SLC35F3: variants seen among roughly 807,000 people sequenced by gnomAD.
SLC35F3 encodes solute carrier family 35 member F3.
In SLC35F3, 25 loss-of-function variants were observed where a neutral mutation model predicts 49.9. The ratio of observed to expected loss-of-function variants is 0.50; its 90% confidence interval spans 0.37 to 0.70. The LOEUF (loss-of-function observed/expected upper bound fraction) is 0.70, where lower values mean the gene tolerates loss of function less well. Ranked by LOEUF, SLC35F3 falls within the 30% of genes least tolerant of loss-of-function variation. The pLI is 0.00. For missense variants in SLC35F3, 525 were observed against 639.8 expected (o/e 0.82, Z 1.94); for synonymous variants, 275 against 265.4 (o/e 1.04, Z -0.35).
intron 2 of SLC35F3, among the ~76,000 whole-genome samples, chr1:234,202,963 C>A (rs910999052): frequency 6.6e-6 from 1 of 152,124 alleles, no homozygotes. Context: ...GGAAGAGCAA[C>A]CATGACTCTC....
intron 2 of SLC35F3, among the ~76,000 whole-genome samples, chr1:233,963,537 G>A (rs1662842107): frequency 3.9e-5 from 6 of 151,970 alleles, no homozygotes; most frequent in Admixed American, 6.6e-5. Flanking sequence ...TCCTGATCTC[G>A]TGATCTGCCC....
At chr1:234,009,266 A>G (rs1291767517) in intron 2 of SLC35F3, among the ~76,000 whole-genome samples, 1 of 152,210 alleles carries the variant, frequency 6.6e-6, no homozygotes, top group Non-Finnish European at 1.5e-5. Context: ...GCAGAATTCC[A>G]TGCTAGGTGC....
chr1:233,938,518 A>G (rs966879567), intron 2 of SLC35F3, among the ~76,000 whole-genome samples: 1 of 152,204 alleles, frequency 6.6e-6, no homozygotes, highest in Non-Finnish European at 1.5e-5. Context: ...TATCAAAGGG[A>G]TGGATGCTAG....
At chr1:233,919,041 T>C (rs1662019367) in intron 2 of SLC35F3, among the ~76,000 whole-genome samples, 3 of 152,274 alleles carry the variant, frequency 2.0e-5, no homozygotes, top group East Asian at 1.9e-4. Context: ...TCTATCTATA[T>C]ATATATGTTC....
intron 3 of SLC35F3, among the ~76,000 whole-genome samples, chr1:234,238,382 A>G (rs1667507327): frequency 6.6e-6 from 1 of 152,194 alleles, no homozygotes; most frequent in Non-Finnish European, 1.5e-5. Context: ...CAAAGGAAGA[A>G]ATGAGATGGG....
At chr1:234,108,255 A>ATATTTATATATATAAAAGATATATAT (rs1665317462) in intron 2 of SLC35F3, among the ~76,000 whole-genome samples, 1 of 77,160 alleles carries the variant, frequency 1.3e-5, no homozygotes, top group Non-Finnish European at 2.5e-5. Flanking sequence ...AAAGATATAT[A>ATATTTATATATATAAAAGATATATAT]TATTTATATA....
At chr1:234,125,048 T>G (rs1259214121) in intron 2 of SLC35F3, among the ~76,000 whole-genome samples, 1 of 152,188 alleles carries the variant, frequency 6.6e-6, no homozygotes, top group East Asian at 1.9e-4. Context: ...GTTTTATAGC[T>G]TATTCTACTG....
In SLC35F3 at chr1:234,323,132, G is replaced by A. The variant is rs1360196552; in HGVS notation, c.1362G>A (p.Leu454=). 1 of 1,614,148 alleles carries A rather than the reference G, an allele frequency of 6.2e-7. No individual in the cohort carries two copies. Among genetic ancestry groups the A allele is most frequent in the Admixed American group, 1.7e-5 (1 of 60,012 alleles). The change falls in exon 8 of 8, where the codon CTG becomes CTA. Residue 454 remains leucine, a synonymous_variant. Transcript: ENST00000366618. This position sits in a 1 kb window ranked among gnomAD's most constrained non-coding sequence, Gnocchi z 4.5. ...AGTGGGATGTCTGGTTGATCAAGCTGCTCACCCGACTCAAAGTGAGGAAGA... is the reference window on the plus strand; with the variant it reads ...AGTGGGATGTCTGGTTGATCAAGCTACTCACCCGACTCAAAGTGAGGAAGA... The part of the protein sequence containing the change: ...PEEWDVWLIK[L]LTRLKVRKKE...
At chr1:233,969,752 C>T (rs1172166472) in intron 2 of SLC35F3, among the ~76,000 whole-genome samples, 2 of 152,188 alleles carry the variant, frequency 1.3e-5, no homozygotes, top group African/African-American at 4.8e-5. Context: ...TCTCACTTCA[C>T]GTGAGTTCCA....
intron 3 of SLC35F3, among the ~76,000 whole-genome samples, chr1:234,247,878 A>AGTTGGCTGGTGCATTGTTTGATGGGTCG (rs1558272728): frequency 0.016 from 108 of 6,750 alleles, no homozygotes; most frequent in Admixed American, 0.036. Flanking sequence ...TTGATGGGTC[A>AGTTGGCTGGTGCATTGTTTGATGGGTCG]GTTGGCTGGT....
At chr1:234,021,006 A>G (rs2102842859) in intron 2 of SLC35F3, among the ~76,000 whole-genome samples, 1 of 152,244 alleles carries the variant, frequency 6.6e-6, no homozygotes, top group East Asian at 1.9e-4. Flanking sequence ...AGCTGCGGAG[A>G]TTTTAGATTT....
intron 7 of SLC35F3, among the ~76,000 whole-genome samples, chr1:234,322,650 C>CGTGTGT (rs55827503): frequency 0.045 from 6,539 of 144,870 alleles, 273 homozygotes; most frequent in African/African-American, 0.11. Context: ...GGGTCAAATG[C>CGTGTGT]GTGTGTGTGT....
intron 2 of SLC35F3, among the ~76,000 whole-genome samples, chr1:234,141,783 G>A (rs1665917247): frequency 6.6e-6 from 1 of 152,034 alleles, no homozygotes; most frequent in African/African-American, 2.4e-5. Context: ...TAAACCTTTT[G>A]CCTAAAATAC....
intron 3 of SLC35F3, among the ~76,000 whole-genome samples, chr1:234,279,427 G>A (rs186259930): frequency 6.6e-6 from 1 of 152,230 alleles, no homozygotes; most frequent in African/African-American, 2.4e-5. Context: ...CTTTTTAGGT[G>A]GGTTTTAAAA....
chr1:233,953,887 A>G lies in SLC35F3; in HGVS notation c.283+48129A>G, dbSNP rs562026642. Reference sequence around the variant, plus strand: ...ATGTGTAGACCATGGGAGCAACAGTAAGATGTGGCCCAGGCTGCATTTCTG... The same window carrying G: ...ATGTGTAGACCATGGGAGCAACAGTGAGATGTGGCCCAGGCTGCATTTCTG... On this transcript the variant is annotated intron_variant, in intron 2 of 7. Transcript: ENST00000366618. 2.0e-5 allele frequency among the ~76,000 whole-genome samples: 3 copies of G among 152,374 alleles called. No individual in the cohort carries two copies. The South Asian group carries it at 6.2e-4, about 32-fold the overall frequency.
chr1:234,214,314 C>T lies in SLC35F3; in HGVS notation c.284-17103C>T. ...GATGTGCGCTGCAGGGCGGCCGCCGCAGTGAGCAACGCGGCAACCGGAGCC... is the reference window on the plus strand; with the variant it reads ...GATGTGCGCTGCAGGGCGGCCGCCGTAGTGAGCAACGCGGCAACCGGAGCC... On this transcript the variant is annotated intron_variant, in intron 2 of 7. Transcript: ENST00000366618. The surrounding 1 kb of genome is among the most constrained non-coding windows in gnomAD (Gnocchi z 8.0). 2 of 1,302,162 alleles carry T rather than the reference C, an allele frequency of 1.5e-6. No individual in the cohort carries two copies. The highest frequency in any genetic ancestry group is 1.9e-6 in the Non-Finnish European group (2 of 1,028,854). The allele number at this position is 1,302,162 out of a possible 1,614,324, so 80.7% of individuals were successfully genotyped here.
intron 2 of SLC35F3, among the ~76,000 whole-genome samples, chr1:233,969,731 C>T (rs1662961995): frequency 6.6e-6 from 1 of 152,212 alleles, no homozygotes; most frequent in African/African-American, 2.4e-5. Flanking sequence ...AAAGATAAGT[C>T]TCTGTTTTTC....
At chr1:234,173,129 A>G (rs893643971) in intron 2 of SLC35F3, among the ~76,000 whole-genome samples, 2 of 152,164 alleles carry the variant, frequency 1.3e-5, no homozygotes, top group African/African-American at 4.8e-5. Flanking sequence ...CCAGCTGACC[A>G]AGGGGTAGAG....
Position 233,904,947 on chromosome 1 carries a change from C to G in SLC35F3, c.-131C>G. ...CGGGCGCGCACAAAGCGGCCCGGGG[C>G]GGCCGGCGCGGCGCAGACCCTCGGT... On this transcript the variant is annotated 5_prime_UTR_variant, in exon 1 of 8. Coordinates refer to ENST00000366618, the MANE Select transcript of SLC35F3 (RefSeq NM_173508.4). The G allele has an allele frequency of 9.9e-7, 1 of 1,015,020 alleles. No individual in the cohort carries two copies. Among genetic ancestry groups the G allele is most frequent in the Non-Finnish European group, 1.4e-6 (1 of 725,450 alleles). The allele number at this position is 1,015,020 out of a possible 1,614,324, so 62.9% of individuals were successfully genotyped here. A position where few individuals can be genotyped will look rare whatever the true frequency, so the allele number is the denominator to read the frequency against.
Sources: allele counts gnomAD v4.1 joint callset (sites outside exome capture counted in the v4.1 genomes callset), GRCh38; gene constraint gnomAD v4.1.1; non-coding constraint Gnocchi (gnomAD v3.1); transcripts MANE v1.5; gene names NCBI Gene and HGNC (gene_info 2026-07-23, HGNC 2026-07-21).